Variants in TIAM1 observed in about 807,000 individuals in gnomAD.
The protein encoded by TIAM1 is TIAM Rac1 associated GEF 1.
TIAM1 carries 65 observed loss-of-function variants against 163.5 expected under a neutral mutation model. The observed-to-expected ratio is 0.40, with a 90% confidence interval of 0.33 to 0.49. The LOEUF is 0.49. Among genes scored for constraint, TIAM1 ranks in the 20% least tolerant of loss-of-function variants. The pLI is 0.77. For missense variants in TIAM1, 1,789 were observed against 2,044.7 expected, an observed-to-expected ratio of 0.87 and a Z score of 2.41; for synonymous variants, 833 against 810.1, an observed-to-expected ratio of 1.03 and a Z score of -0.48.
At chr21:31,146,421 A>C (rs972481526) in intron 20 of TIAM1, among the ~76,000 whole-genome samples, 8 of 149,034 alleles carry the variant, frequency 5.4e-5, no homozygotes, top group African/African-American at 1.8e-4. Context: ...AAAAAAAAAA[A>C]AAAACAAGGC....
At chr21:31,203,941 C>G (rs539167384) in intron 11 of TIAM1, among the ~76,000 whole-genome samples, 2 of 152,222 alleles carry the variant, frequency 1.3e-5, no homozygotes, top group East Asian at 3.9e-4. Flanking sequence ...ATGACTCGCT[C>G]AAAGAAAACA....
At chr21:31,238,909 A>C (rs1233779810) in intron 6 of TIAM1, among the ~76,000 whole-genome samples, 4 of 152,336 alleles carry the variant, frequency 2.6e-5, no homozygotes, top group African/African-American at 7.2e-5. Flanking sequence ...TATACAACAC[A>C]CATCAATGGA....
At chr21:31,490,736 C>A (rs2046437792) in intron 1 of TIAM1, among the ~76,000 whole-genome samples, 1 of 152,200 alleles carries the variant, frequency 6.6e-6, no homozygotes. Context: ...TGAAAAGAGG[C>A]CAACTGGTAG....
chr21:31,275,732 C>T (rs1415397360), intron 3 of TIAM1, among the ~76,000 whole-genome samples: 1 of 152,162 alleles, frequency 6.6e-6, no homozygotes, highest in Non-Finnish European at 1.5e-5. Context: ...TGCCTTATAA[C>T]AAGGGCACTT....
intron 1 of TIAM1, among the ~76,000 whole-genome samples, chr21:31,506,969 C>G (rs569251478): frequency 6.6e-6 from 1 of 152,030 alleles, no homozygotes; most frequent in East Asian, 1.9e-4. Context: ...TTCCACTGTA[C>G]GTATACACAT....
chr21:31,192,654 C>A (rs1011119954), intron 13 of TIAM1, among the ~76,000 whole-genome samples: 5 of 151,956 alleles, frequency 3.3e-5, no homozygotes, highest in African/African-American at 1.2e-4. Context: ...AGAGAGAAAT[C>A]TTAAGCGAGC....
rs9977695 is a variant in TIAM1, at chr21:31,394,728, T to A, written c.-368-55306A>T. On this transcript the variant is annotated intron_variant, in intron 2 of 28. Coordinates refer to the TIAM1 transcript ENST00000286827. ...CTCTCGCTCTCTCTCTCTCTCTCTC[T>A]CACACACACACACACACACACACAC... Among the ~76,000 whole-genome samples, 611 of 95,670 alleles carry A rather than the reference T, an allele frequency of 6.4e-3. 5 individuals carry two copies. The highest frequency in any genetic ancestry group is 0.016 in the African/African-American group (379 of 24,238). The allele number at this position is 95,670 out of a possible 152,430, so 62.8% of individuals were successfully genotyped here. A position where few individuals can be genotyped will look rare whatever the true frequency, so the allele number is the denominator to read the frequency against.
At chr21:31,430,228 ATATATATATATATAT>A (rs1569324319) in intron 2 of TIAM1, among the ~76,000 whole-genome samples, 31 of 55,492 alleles carry the variant, frequency 5.6e-4, no homozygotes, top group African/African-American at 2.7e-3. Flanking sequence ...AAAAAAAAAT[ATATATATATATATAT>A]ATATACACAC....
At chr21:31,242,180 A>G (rs1434410851) in intron 6 of TIAM1, among the ~76,000 whole-genome samples, 13 of 152,222 alleles carry the variant, frequency 8.5e-5, no homozygotes, top group Admixed American at 8.5e-4. Context: ...TATGAGGCTA[A>G]TATCACATTA....
intron 12 of TIAM1, among the ~76,000 whole-genome samples, chr21:31,202,174 C>T (rs529955099): frequency 2.0e-5 from 3 of 152,192 alleles, no homozygotes; most frequent in South Asian, 4.1e-4. Flanking sequence ...CCAGCAGTTT[C>T]AACATGGCTA....
chr21:31,133,552 T>C (rs775062839), intron 23 of TIAM1, among the ~76,000 whole-genome samples: 1 of 152,218 alleles, frequency 6.6e-6, no homozygotes, highest in Non-Finnish European at 1.5e-5. Context: ...CAGAAAGTGG[T>C]ACCTAAATCC....
At chr21:31,551,396 C>T (rs1053163033) in intron 1 of TIAM1, among the ~76,000 whole-genome samples, 1 of 151,014 alleles carries the variant, frequency 6.6e-6, no homozygotes, top group Non-Finnish European at 1.5e-5. Flanking sequence ...GGGAACAGAG[C>T]GAGGCTCTGT....
Position 31,225,732 on chromosome 21 carries a change from T to C in TIAM1, c.1803A>G (p.Leu601=). ...VTDSKKKKTI[L]DQIFVWEQNL... Reference sequence around the variant, plus strand: ...AACACGGAAGAACGATTACCTGATCTAATATTGTTTTCTTTTTCTTTGAGT... The same window carrying C: ...AACACGGAAGAACGATTACCTGATCCAATATTGTTTTCTTTTTCTTTGAGT... Residue 601 remains leucine (L), a synonymous_variant, in exon 7 of 28, where the codon TTA becomes TTG. Coordinates refer to ENST00000541036, the MANE Select transcript of TIAM1 (RefSeq NM_001353694.2). The C allele has an allele frequency of 6.2e-7, 1 of 1,610,988 alleles. No individual in the cohort carries two copies. The highest frequency in any genetic ancestry group is 8.5e-7 in the Non-Finnish European group (1 of 1,179,846).
intron 22 of TIAM1, among the ~76,000 whole-genome samples, chr21:31,136,685 A>G (rs2082634037): frequency 6.6e-6 from 1 of 152,210 alleles, no homozygotes; most frequent in Admixed American, 6.5e-5. Context: ...ATTCACATGC[A>G]GTTAGTCTGT....
At chr21:31,443,107 A>G (rs1049840370) in intron 2 of TIAM1, among the ~76,000 whole-genome samples, 1 of 152,226 alleles carries the variant, frequency 6.6e-6, no homozygotes, top group African/African-American at 2.4e-5. Context: ...TGGACTGTGG[A>G]GTTTCATTTT....
chr21:31,219,843 G>A (rs1015800994), intron 8 of TIAM1, among the ~76,000 whole-genome samples: 4 of 152,124 alleles, frequency 2.6e-5, no homozygotes, highest in African/African-American at 9.7e-5. Context: ...AGATTACACC[G>A]GAGGTGTCAC....
Position 31,141,064 on chromosome 21 carries a change from C to A in TIAM1, c.3774+54G>T. On this transcript the variant is annotated intron_variant, in intron 22 of 27. Transcript: ENST00000541036. The surrounding 1 kb of genome is among the most constrained non-coding windows in gnomAD (Gnocchi z 4.7). ...TAAAAAATAAATAAATAAATAAAAGCAAACTCAAACTCGGCTTTCCTGACA... is the reference window on the plus strand; with the variant it reads ...TAAAAAATAAATAAATAAATAAAAGAAAACTCAAACTCGGCTTTCCTGACA... 1 of 1,368,108 alleles carries A rather than the reference C, an allele frequency of 7.3e-7. No individual in the cohort carries two copies. The highest frequency in any genetic ancestry group is 1.0e-6 in the Non-Finnish European group (1 of 992,150). The allele number at this position is 1,368,108 out of a possible 1,614,324, so 84.7% of individuals were successfully genotyped here. A position where few individuals can be genotyped will look rare whatever the true frequency, so the allele number is the denominator to read the frequency against.
At chr21:31,459,044 C>T (rs1163686669) in intron 2 of TIAM1, among the ~76,000 whole-genome samples, 1 of 152,134 alleles carries the variant, frequency 6.6e-6, no homozygotes, top group Non-Finnish European at 1.5e-5. Context: ...AGCAGAAAGT[C>T]TAGCTTTCAA....
chr21:31,442,485 C>A (rs74329901), intron 2 of TIAM1, among the ~76,000 whole-genome samples: 6,606 of 152,062 alleles, frequency 0.043, 474 homozygotes, highest in African/African-American at 0.15. Context: ...TGCCTGCCTC[C>A]GCCTCCCAAG....
Sources: allele counts gnomAD v4.1 joint callset (sites outside exome capture counted in the v4.1 genomes callset), GRCh38; gene constraint gnomAD v4.1.1; non-coding constraint Gnocchi (gnomAD v3.1); transcripts MANE v1.5; gene names NCBI Gene and HGNC (gene_info 2026-07-23, HGNC 2026-07-21).